SLFN13: variants seen among roughly 807,000 people sequenced by gnomAD.
SLFN13 encodes schlafen family member 13.
SLFN13 carries 43 observed loss-of-function variants against 50.6 expected under a neutral mutation model. The observed-to-expected ratio is 0.85, with a 90% CI of 0.67 to 1.09. The LOEUF (loss-of-function observed/expected upper bound fraction) is 1.09. Ranked by LOEUF, SLFN13 falls within the 50% of genes least tolerant of loss-of-function variation. The probability of loss-of-function intolerance (pLI) is 0.00; values close to 1 mark genes in which losing one functional copy is unlikely to be tolerated. For synonymous variants in SLFN13, 339 were observed against 386.5 expected (o/e 0.88, Z 1.44); for missense variants, 881 against 1,071.1 (o/e 0.82, Z 2.48).
chr17:35,442,062 T>C lies in SLFN13; in HGVS notation c.1423A>G (p.Ile475Val), dbSNP rs114038877. Residue 475 changes from isoleucine (I) to valine (V), a missense_variant, in exon 5 of 6, where the codon ATT (isoleucine) becomes GTT (valine). Ile to Val is a conservative substitution (Grantham distance 29). This residue lies in a region of SLFN13 where 22 missense variants were observed against 132.0 expected (regional missense o/e 0.17). Coordinates refer to ENST00000285013, the MANE Select transcript of SLFN13 (RefSeq NM_144682.6). ...AQNSTPILYT[I>V]LREQDAEGQD... ...CCCTCTGCATCCTGCTCCCTGAGAA[T>C]GGTGTAGAGAATGGGGGTGCTGTTC... is the stretch of plus-strand genomic sequence containing the variant. 192 of 1,614,268 alleles carry C rather than the reference T, an allele frequency of 1.2e-4. No individual in the cohort carries two copies. The African/African-American group carries it at 1.8e-3, about 15-fold the overall frequency.
rs1343920616 is a variant in SLFN13 at position 35,445,574 on chromosome 17, T to G, written c.107A>C (p.Lys36Thr). Reference sequence around the variant, plus strand: ...CGCCCTCTCTTGGTCTCTCTGAGTTTTCTGTAGCTTTTTTCTGTTTTCTTC... The same window carrying G: ...CGCCCTCTCTTGGTCTCTCTGAGTTGTCTGTAGCTTTTTTCTGTTTTCTTC... ...LGEENRKKLQ[K>T]TQRDQERARV... The change falls in exon 3 of 6, where the codon AAA (lysine) becomes ACA (threonine). Residue 36 changes from lysine to threonine, a missense_variant. Lys to Thr is a moderately conservative substitution (Grantham distance 78). Around this residue, in one of 5 missense-constraint regions of SLFN13, gnomAD observed 497 missense variants for 518.3 expected, o/e 0.96. Coordinates refer to ENST00000285013, the MANE Select transcript of SLFN13 (RefSeq NM_144682.6). 2 of 1,614,124 alleles carry G rather than the reference T, an allele frequency of 1.2e-6. No individual in the cohort carries two copies. Among genetic ancestry groups the G allele is most frequent in the Non-Finnish European group, 1.7e-6 (2 of 1,180,006 alleles).
At chr17:35,444,539 C>T (rs577396679) in intron 3 of SLFN13, 76 bp downstream of exon 3, 1 of 1,329,276 alleles carries the variant, frequency 7.5e-7, no homozygotes, top group East Asian at 2.3e-5. Flanking sequence ...GAAGGTCAAG[C>T]TTAGAGAATA....
At chr17:35,449,369 G>C (rs960011993), upstream of SLFN13, among the ~76,000 whole-genome samples, 7 of 151,928 alleles carry the variant, frequency 4.6e-5, no homozygotes, top group Non-Finnish European at 8.8e-5. Flanking sequence ...CCCGGAGCCT[G>C]CGGTCCCGCC....
chr17:35,440,822 G>C lies in SLFN13; in HGVS notation c.2467C>G (p.Gln823Glu), dbSNP rs887848691. The change falls in exon 6 of 6, where the codon CAG (glutamine) becomes GAG (glutamate). Residue 823 changes from glutamine (Q) to glutamate (E), a missense_variant. By Grantham distance (29) the Gln-to-Glu change is conservative. This residue lies in a region of SLFN13 where 322 missense variants were observed against 327.4 expected (regional missense o/e 0.98). Coordinates refer to ENST00000285013, the MANE Select transcript of SLFN13 (RefSeq NM_144682.6). ...CTCATTGCTTTCAAGAGCTTAGACT[G>C]ATACTGCTCCACTTCTGTCACGGTG... ...VSTVTEVEQYQSKLLKAMRKK... is the reference protein window; with the variant it reads ...VSTVTEVEQYESKLLKAMRKK... The C allele has an allele frequency of 1.9e-6, 3 of 1,614,120 alleles. No homozygotes were observed. Among genetic ancestry groups the C allele is most frequent in the Non-Finnish European group, 2.5e-6 (3 of 1,180,022 alleles).
rs1278806632 is a variant in SLFN13 at position 35,445,508 on chromosome 17, C to A, written c.173G>T (p.Gly58Val). 2 of 1,614,066 alleles carry A rather than the reference C, an allele frequency of 1.2e-6. No homozygotes were observed. Among genetic ancestry groups the A allele is most frequent in the African/African-American group, 2.7e-5 (2 of 74,922 alleles). ...GGCCATTTCCATCTGAATCACTCCT[C>A]CTCCTGAGTTTAATAAAGCACACGC... ...RAACALLNSG[G>V]GVIQMEMANR... Residue 58 changes from glycine to valine, a missense_variant, in exon 3 of 6, where the codon GGA (glycine) becomes GTA (valine). This residue lies in a region of SLFN13 where 497 missense variants were observed against 518.3 expected (regional missense o/e 0.96). Transcript: ENST00000285013.
At position 35,438,130 on chromosome 17, in the gene SLFN13, T is replaced by G. The variant is rs62078108; in HGVS notation, c.*2465A>C. The G allele has an allele frequency of 4.6e-5, 7 of 151,262 alleles. No individual in the cohort carries two copies. Among genetic ancestry groups the G allele is most frequent in the Non-Finnish European group, 1.0e-4 (7 of 67,836 alleles). 9.4% of individuals were successfully genotyped at this position (151,262 alleles called of 1,614,324 possible). Reference sequence around the variant, plus strand: ...TTTAAAAAAAAAAAAAAAAAAAATTTACAGTTAATCTTGCTTAATCTTTTA... The same window carrying G: ...TTTAAAAAAAAAAAAAAAAAAAATTGACAGTTAATCTTGCTTAATCTTTTA... On this transcript the variant is annotated 3_prime_UTR_variant, in exon 6 of 6. Transcript: ENST00000285013.
rs913197844 is a variant in SLFN13, at chr17:35,445,400, G to A, written c.281C>T (p.Ala94Val). 5.0e-6 allele frequency: 8 copies of A among 1,614,162 alleles called. No homozygotes were observed. The highest frequency in any genetic ancestry group is 6.8e-6 in the Non-Finnish European group (8 of 1,180,028). Residue 94 changes from alanine to valine, a missense_variant, in exon 3 of 6, where the codon GCT becomes GTT. Ala to Val is a moderately conservative substitution (Grantham distance 64). Transcript: ENST00000285013. Reference sequence around the variant, plus strand: ...TCCGTGTTGCTTAGTCTCAAAGAAAGCCTGCAAATATGGATACTGAATAAG... The same window carrying A: ...TCCGTGTTGCTTAGTCTCAAAGAAAACCTGCAAATATGGATACTGAATAAG... ...RKLIQYPYLQ[A>V]FFETKQHGRC...
Position 35,445,507 on chromosome 17 carries a change from T to C in SLFN13, c.174A>G (p.Gly58=), listed in dbSNP as rs116476951. The C allele has an allele frequency of 4.3e-5, 69 of 1,614,158 alleles. No individual in the cohort carries two copies. In the African/African-American group the frequency reaches 5.3e-4, roughly 12 times the overall value. Residue 58 remains glycine, a synonymous_variant, in exon 3 of 6, where the codon GGA becomes GGG. Transcript: ENST00000285013. ...RAACALLNSG[G]GVIQMEMANR... ...TGGCCATTTCCATCTGAATCACTCCTCCTCCTGAGTTTAATAAAGCACACG... is the reference window on the plus strand; with the variant it reads ...TGGCCATTTCCATCTGAATCACTCCCCCTCCTGAGTTTAATAAAGCACACG...
intron 4 of SLFN13, 113 bp from the exon 5 acceptor site, chr17:35,442,399 C>G (rs561727689): frequency 2.4e-6 from 3 of 1,247,832 alleles, no homozygotes; most frequent in Non-Finnish European, 1.1e-6. Flanking sequence ...TACAATTTAA[C>G]AGAAATTCCT....
At position 35,444,727 on chromosome 17, in the gene SLFN13, T is replaced by C. The variant is rs1301249467; in HGVS notation, c.954A>G (p.Ala318=). The change falls in exon 3 of 6, where the codon GCA becomes GCG. Residue 318 remains alanine (A), a synonymous_variant. Transcript: ENST00000285013. ...YGYLCVIKVK[A]FCCVVFSEAP... is the part of the protein sequence containing the mutation. Reference sequence around the variant, plus strand: ...CTTCCGAGAACACCACACAACAGAATGCCTTCACTTTAATCACACAGAGAT... The same window carrying C: ...CTTCCGAGAACACCACACAACAGAACGCCTTCACTTTAATCACACAGAGAT... 1.9e-6 allele frequency: 3 copies of C among 1,614,182 alleles called. No homozygotes were observed. Among genetic ancestry groups the C allele is most frequent in the Admixed American group, 1.7e-5 (1 of 60,026 alleles).
At position 35,439,221 on chromosome 17, in the gene SLFN13, G is replaced by A. The variant is rs1190176008; in HGVS notation, c.*1374C>T. On this transcript the variant is annotated 3_prime_UTR_variant, in exon 6 of 6. Coordinates refer to ENST00000285013, the MANE Select transcript of SLFN13 (RefSeq NM_144682.6). ...GTCTTAGCAGATCAGATTCTCCACT[G>A]TGACTTCGTGTAACCTTAATTACTT... is the stretch of plus-strand genomic sequence containing the variant. The A allele has an allele frequency of 2.0e-5, 3 of 152,176 alleles. No homozygotes were observed. The highest frequency in any genetic ancestry group is 4.4e-5 in the Non-Finnish European group (3 of 68,056). The allele number at this position is 152,176 out of a possible 1,614,324, so 9.4% of individuals were successfully genotyped here.
At position 35,445,271 on chromosome 17, in the gene SLFN13, CT is replaced by C; in HGVS notation, c.409del (p.Arg137AspfsTer9). The C allele has an allele frequency of 6.2e-6, 10 of 1,613,938 alleles. No homozygotes were observed. Among genetic ancestry groups the C allele is most frequent in the Non-Finnish European group, 8.5e-6 (10 of 1,179,994 alleles). ...ICSLSSSLYCRSGTSVLHMNS... is the reference protein window; with the variant it reads ...ICSLSSSLYCXSGTSVLHMNS... ...CATGTGAAGCACAGAGGTGCCAGAT[CT>C]ACAGTATAATGAAGAACTAAGGCTG... On this transcript the variant is annotated frameshift_variant, in exon 3 of 6. Transcript: ENST00000285013. LOFTEE classifies it high-confidence loss of function.
rs371598056 is a variant in SLFN13, at chr17:35,445,001, T to C, written c.680A>G (p.Glu227Gly). 1 of 1,614,036 alleles carries C rather than the reference T, an allele frequency of 6.2e-7. No homozygotes were observed. The highest frequency in any genetic ancestry group is 1.3e-5 in the African/African-American group (1 of 74,940). ...FSTKHIQQYV[E>G]NIIPEYISAF... Reference sequence around the variant, plus strand: ...AGAGATGTACTCTGGAATTATATTTTCTACATATTGTTGGATATGTTTTGT... The same window carrying C: ...AGAGATGTACTCTGGAATTATATTTCCTACATATTGTTGGATATGTTTTGT... The change falls in exon 3 of 6, where the codon GAA becomes GGA. Residue 227 changes from glutamate (E) to glycine (G), a missense_variant. By Grantham distance (98) the Glu-to-Gly change is moderately conservative (BLOSUM62 -2). Transcript: ENST00000285013.
In SLFN13 at chr17:35,439,589, T is replaced by G. The variant is rs1355956080; in HGVS notation, c.*1006A>C. On this transcript the variant is annotated 3_prime_UTR_variant, in exon 6 of 6. Coordinates refer to ENST00000285013, the MANE Select transcript of SLFN13 (RefSeq NM_144682.6). ...GCCTCCAGGATTCAAGTGATTCTCA[T>G]GCTTCAGCCTCCCAAGTAGCTGGGA... is the stretch of plus-strand genomic sequence containing the variant. 1 of 152,186 alleles carries G rather than the reference T, an allele frequency of 6.6e-6. No individual in the cohort carries two copies. Among genetic ancestry groups the G allele is most frequent in the Non-Finnish European group, 1.5e-5 (1 of 68,066 alleles). 9.4% of individuals were successfully genotyped at this position (152,186 alleles called of 1,614,324 possible). A position where few individuals can be genotyped will look rare whatever the true frequency, so the allele number is the denominator to read the frequency against.
rs184067869 is a variant in SLFN13 at position 35,443,821 on chromosome 17, T to G, written c.1166A>C (p.His389Pro). 1 of 1,612,966 alleles carries G rather than the reference T, an allele frequency of 6.2e-7. No homozygotes were observed. The highest frequency in any genetic ancestry group is 8.5e-7 in the Non-Finnish European group (1 of 1,179,060). ...TAAATGTTGTTGTAGATCAGCTTTG[T>G]GTTCCAGACCTTTCTTAGAATACAC... is the stretch of plus-strand genomic sequence containing the variant. ...RPVYSKKGLEHKADLQQHLFP... is the reference protein window; with the variant it reads ...RPVYSKKGLEPKADLQQHLFP... The change falls in exon 4 of 6, where the codon CAC (histidine) becomes CCC (proline). Residue 389 changes from histidine (H) to proline (P), a missense_variant. By Grantham distance (77) the His-to-Pro change is moderately conservative (BLOSUM62 -2). Around this residue, in one of 5 missense-constraint regions of SLFN13, gnomAD observed 497 missense variants for 518.3 expected, o/e 0.96. Coordinates refer to ENST00000285013, the MANE Select transcript of SLFN13 (RefSeq NM_144682.6).
chr17:35,445,667 T>A lies in SLFN13; in HGVS notation c.14A>T (p.His5Leu), dbSNP rs1348194122. The change falls in exon 3 of 6, where the codon CAC (histidine) becomes CTC (leucine). Residue 5 changes from histidine (H) to leucine (L), a missense_variant. Coordinates refer to ENST00000285013, the MANE Select transcript of SLFN13 (RefSeq NM_144682.6). Reference sequence around the variant, plus strand: ...AGATGGATACACACCCAGGGAGCAGTGATTTGCCTCCATGTTGAACTTGCA... The same window carrying A: ...AGATGGATACACACCCAGGGAGCAGAGATTTGCCTCCATGTTGAACTTGCA... MEANHCSLGVYPSYP... is the reference protein window; with the variant it reads MEANLCSLGVYPSYP... 1 of 1,599,988 alleles carries A rather than the reference T, an allele frequency of 6.3e-7. No individual in the cohort carries two copies. The highest frequency in any genetic ancestry group is 2.2e-5 in the East Asian group (1 of 44,628).
rs750988786 is a variant in SLFN13 at position 35,444,865 on chromosome 17, T to C, written c.816A>G (p.Val272=). 1 of 1,614,240 alleles carries C rather than the reference T, an allele frequency of 6.2e-7. No homozygotes were observed. Among genetic ancestry groups the C allele is most frequent in the South Asian group, 1.1e-5 (1 of 91,090 alleles). Residue 272 remains valine, a synonymous_variant, in exon 3 of 6, where the codon GTA becomes GTG. Coordinates refer to ENST00000285013, the MANE Select transcript of SLFN13 (RefSeq NM_144682.6). The part of the protein sequence containing the change: ...EQVDPDSLKN[V]IARAISKLPI... ...GCAACTTAGAAATTGCTCTTGCAATTACATTTTTCAAAGAGTCAGGGTCAA... is the reference window on the plus strand; with the variant it reads ...GCAACTTAGAAATTGCTCTTGCAATCACATTTTTCAAAGAGTCAGGGTCAA...
rs766010538 is a variant in SLFN13 at position 35,445,568 on chromosome 17, T to G, written c.113A>C (p.Gln38Pro). The change falls in exon 3 of 6, where the codon CAG (glutamine) becomes CCG (proline). Residue 38 changes from glutamine (Q) to proline (P), a missense_variant. This residue lies in a region of SLFN13 where 497 missense variants were observed against 518.3 expected (regional missense o/e 0.96). Transcript: ENST00000285013. ...AACTCTCGCCCTCTCTTGGTCTCTCTGAGTTTTCTGTAGCTTTTTTCTGTT... is the reference window on the plus strand; with the variant it reads ...AACTCTCGCCCTCTCTTGGTCTCTCGGAGTTTTCTGTAGCTTTTTTCTGTT... ...EENRKKLQKT[Q>P]RDQERARVIR... The G allele has an allele frequency of 6.2e-7, 1 of 1,614,174 alleles. No individual in the cohort carries two copies. Among genetic ancestry groups the G allele is most frequent in the South Asian group, 1.1e-5 (1 of 91,076 alleles).
Position 35,444,649 on chromosome 17 carries a change from C to T in SLFN13, c.1032G>A (p.Glu344=), listed in dbSNP as rs758718051. ...CGTCCATCATTTTCTCTACCCATTC[C>T]TCAGTTGTCAAGGGGCGGATGTACT... ...REKYIRPLTT[E]EWVEKMMDAD... is the part of the protein sequence containing the mutation. Residue 344 remains glutamate (E), a synonymous_variant, in exon 3 of 6, where the codon GAG becomes GAA. Transcript: ENST00000285013. The T allele has an allele frequency of 3.7e-6, 6 of 1,614,158 alleles. No individual in the cohort carries two copies. The highest frequency in any genetic ancestry group is 3.3e-5 in the South Asian group (3 of 91,080).
Sources: gnomAD v4.1 joint callset for allele counts (sites outside exome capture counted in the v4.1 genomes callset) on GRCh38, gnomAD v4.1.1 for gene constraint, gnomAD v4.1.1 regional missense constraint, MANE v1.5 for transcripts, NCBI Gene and HGNC (gene_info 2026-07-23, HGNC 2026-07-21) for gene names.